RELN: variants seen among roughly 807,000 people sequenced by gnomAD.
RELN encodes reelin.
RELN carries 108 observed loss-of-function variants against 427.6 expected under a neutral mutation model. The observed-to-expected ratio is 0.25, with a 90% confidence interval of 0.22 to 0.30. The LOEUF (loss-of-function observed/expected upper bound fraction) is 0.30. Among genes scored for constraint, RELN ranks in the 10% least tolerant of loss-of-function variants. The probability of loss-of-function intolerance (pLI) is 1.00; values close to 1 mark genes in which losing one functional copy is unlikely to be tolerated. For synonymous variants in RELN, 1,524 were observed against 1,513.4 expected (o/e 1.01, Z -0.16); for missense variants, 3,715 against 4,302.8 (o/e 0.86, Z 3.82).
chr7:103,551,539 A>AGGAAGT (rs1368907788), intron 40 of RELN, among the ~76,000 whole-genome samples: 1 of 152,246 alleles, frequency 6.6e-6, no homozygotes, highest in Non-Finnish European at 1.5e-5. Context: ...TATAAAAAGC[A>AGGAAGT]GGAAGTGGGT....
intron 34 of RELN, among the ~76,000 whole-genome samples, chr7:103,562,437 C>T (rs1830664447): frequency 6.6e-6 from 1 of 152,182 alleles, no homozygotes; most frequent in South Asian, 2.1e-4. Flanking sequence ...TACTTCTGCA[C>T]TCTACTTTGG....
At chr7:103,861,924 C>A (rs959037165) in intron 2 of RELN, among the ~76,000 whole-genome samples, 2 of 151,906 alleles carry the variant, frequency 1.3e-5, no homozygotes, top group Admixed American at 6.6e-5. Context: ...TGGTTTTGGT[C>A]TTTGGAGGAT....
At chr7:103,981,763 CACAAG>C (rs1298706513) in intron 1 of RELN, among the ~76,000 whole-genome samples, 1 of 152,198 alleles carries the variant, frequency 6.6e-6, no homozygotes, top group African/African-American at 2.4e-5. Flanking sequence ...TCCTCAAGGT[CACAAG>C]ATGGTTGTAT....
At chr7:103,834,499 G>T (rs1298802488) in intron 2 of RELN, among the ~76,000 whole-genome samples, 2 of 152,144 alleles carry the variant, frequency 1.3e-5, no homozygotes, top group African/African-American at 4.8e-5. Flanking sequence ...CTGTGAACAG[G>T]TCAGCTCCAA....
chr7:103,868,094 G>A (rs1245410583), intron 2 of RELN, among the ~76,000 whole-genome samples: 1 of 152,036 alleles, frequency 6.6e-6, no homozygotes, highest in African/African-American at 2.4e-5. Flanking sequence ...ATAATTGGAT[G>A]GCACTCCATA....
chr7:103,936,743 G>GACACAC (rs57505374), intron 1 of RELN, among the ~76,000 whole-genome samples: 2 of 139,662 alleles, frequency 1.4e-5, no homozygotes, highest in African/African-American at 2.6e-5. Context: ...CAGACAGACA[G>GACACAC]ACACACACAC....
intron 16 of RELN, among the ~76,000 whole-genome samples, chr7:103,644,970 T>A (rs1255505892): frequency 1.3e-5 from 2 of 151,776 alleles, no homozygotes; most frequent in East Asian, 3.9e-4. Context: ...ATTGGGATCC[T>A]ATTTTTAGGT....
intron 1 of RELN, among the ~76,000 whole-genome samples, chr7:103,925,773 T>C (rs928014267): frequency 3.3e-5 from 5 of 152,228 alleles, no homozygotes; most frequent in African/African-American, 9.6e-5. Context: ...AATGTTTTTC[T>C]TTTGAGGCAT....
chr7:103,908,500 T>G (rs1584355867), intron 2 of RELN, among the ~76,000 whole-genome samples: 1 of 152,258 alleles, frequency 6.6e-6, no homozygotes, highest in South Asian at 2.1e-4. Flanking sequence ...GAACCTGAGC[T>G]GCCTAACTCC....
In RELN at chr7:103,525,634, G is replaced by A. The variant is rs185834076; in HGVS notation, c.7350-2103C>T. On this transcript the variant is annotated intron_variant, in intron 46 of 64. Coordinates refer to ENST00000428762, the MANE Select transcript of RELN (RefSeq NM_005045.4). ...GCAGCAACAACTTATAATTAACATAGCGGAATACCATATTTCCATAGCACA... is the reference window on the plus strand; with the variant it reads ...GCAGCAACAACTTATAATTAACATAACGGAATACCATATTTCCATAGCACA... Among the ~76,000 whole-genome samples the A allele has an allele frequency of 4.8e-3, 735 of 151,704 alleles. 3 individuals are homozygous for A. Among genetic ancestry groups the A allele is most frequent in the East Asian group, 0.012 (60 of 5,172 alleles).
intron 10 of RELN, among the ~76,000 whole-genome samples, chr7:103,689,912 T>G (rs1833838899): frequency 1.3e-5 from 2 of 152,098 alleles, no homozygotes; most frequent in East Asian, 3.9e-4. Context: ...GGATGTGTAT[T>G]TGAGGAGTTG....
chr7:103,598,915 A>G (rs1376459491), intron 24 of RELN, among the ~76,000 whole-genome samples: 1 of 152,240 alleles, frequency 6.6e-6, no homozygotes, highest in Admixed American at 6.5e-5. Context: ...GTATATGTGT[A>G]AACACATGTA....
At chr7:103,598,847 T>C (rs1831599879) in intron 24 of RELN, among the ~76,000 whole-genome samples, 1 of 152,222 alleles carries the variant, frequency 6.6e-6, no homozygotes, top group Non-Finnish European at 1.5e-5. Flanking sequence ...GAATTCAGAA[T>C]TCAATGTAAC....
intron 3 of RELN, among the ~76,000 whole-genome samples, chr7:103,783,892 T>C (rs1340984606): frequency 2.0e-5 from 3 of 152,186 alleles, no homozygotes; most frequent in African/African-American, 7.2e-5. Context: ...CTTAAAGTGT[T>C]TTTAATAACA....
chr7:103,984,634 G>C (rs1797059742), intron 1 of RELN, among the ~76,000 whole-genome samples: 1 of 151,940 alleles, frequency 6.6e-6, no homozygotes, highest in Non-Finnish European at 1.5e-5. Context: ...ATAAATTGTA[G>C]AGAGTAAGAT....
chr7:103,779,616 C>A (rs897167946), intron 3 of RELN, among the ~76,000 whole-genome samples: 1 of 152,144 alleles, frequency 6.6e-6, no homozygotes, highest in Admixed American at 6.5e-5. Context: ...AGTGTAGAGT[C>A]TTTGCTTTTA....
intron 2 of RELN, among the ~76,000 whole-genome samples, chr7:103,863,035 A>G (rs1794107925): frequency 6.6e-6 from 1 of 152,148 alleles, no homozygotes; most frequent in Non-Finnish European, 1.5e-5. Context: ...AAACACCAAG[A>G]GGGCAAAAGG....
At chr7:103,883,580 CA>C (rs1396155406) in intron 2 of RELN, among the ~76,000 whole-genome samples, 1 of 152,236 alleles carries the variant, frequency 6.6e-6, no homozygotes, top group African/African-American at 2.4e-5. Context: ...GTAACTTCAG[CA>C]AAGTCTCAGC....
In RELN at chr7:103,862,411, CTATCTATCTATCTATCTATCT is replaced by C. The variant is rs1794091809; in HGVS notation, c.338-28760_338-28740del. Among the ~76,000 whole-genome samples, 3 of 53,406 alleles carry C rather than the reference CTATCTATCTATCTATCTATCT, an allele frequency of 5.6e-5. No individual in the cohort carries two copies. The South Asian group carries it at 1.8e-3, about 31-fold the overall frequency. The allele number at this position is 53,406 out of a possible 152,430, so 35.0% of individuals were successfully genotyped here. ...AGTCTCTTCCATTTATGCTTTTGTT[CTATCTATCTATCTATCTATCT>C]ATCTATCTATCTATCTATCTATCTA... On this transcript the variant is annotated intron_variant, in intron 2 of 64. Transcript: ENST00000428762.
Sources: gnomAD v4.1 joint callset for allele counts (sites outside exome capture counted in the v4.1 genomes callset) on GRCh38, gnomAD v4.1.1 for gene constraint, MANE v1.5 for transcripts, NCBI Gene and HGNC (gene_info 2026-07-23, HGNC 2026-07-21) for gene names.